ARFGEF1: variants seen among roughly 807,000 people sequenced by gnomAD.
ARFGEF1 encodes the protein brefeldin A-inhibited guanine nucleotide-exchange protein 1.
A neutral mutation model predicts 231.0 loss-of-function variants in ARFGEF1; 42 were observed. The ratio of observed to expected loss-of-function variants is 0.18; its 90% CI spans 0.14 to 0.24. ARFGEF1 has a LOEUF of 0.24. Ranked by LOEUF, ARFGEF1 falls within the 10% of genes least tolerant of loss-of-function variation. The probability of loss-of-function intolerance (pLI) is 1.00; values close to 1 mark genes in which losing one functional copy is unlikely to be tolerated. For missense variants in ARFGEF1, 1,345 were observed against 2,192.0 expected, an observed-to-expected ratio of 0.61 and a Z score of 7.72; for synonymous variants, 710 against 732.3, an observed-to-expected ratio of 0.97 and a Z score of 0.49.
chr8:67,311,513 G>T (rs1199570254), intron 1 of ARFGEF1, among the ~76,000 whole-genome samples: 2 of 140,972 alleles, frequency 1.4e-5, no homozygotes, highest in South Asian at 2.4e-4. Context: ...GGAGGGAGGT[G>T]GGGGGGGGTC....
intron 6 of ARFGEF1, among the ~76,000 whole-genome samples, chr8:67,288,783 G>GT (rs1364909910): frequency 5.9e-5 from 9 of 151,976 alleles, no homozygotes; most frequent in Non-Finnish European, 1.2e-4. Flanking sequence ...CTCATCAATA[G>GT]TAAGATCAAC....
chr8:67,217,898 A>G lies in ARFGEF1; in HGVS notation c.4497T>C (p.Ser1499=). 1 of 1,613,872 alleles carries G rather than the reference A, an allele frequency of 6.2e-7. No individual in the cohort carries two copies. Among genetic ancestry groups the G allele is most frequent in the Non-Finnish European group, 8.5e-7 (1 of 1,179,858 alleles). ...CAACATTCTCTAAACAGTTTGTACCAGATCGCGCTAACTGCTCATTGTCTA... is the reference window on the plus strand; with the variant it reads ...CAACATTCTCTAAACAGTTTGTACCGGATCGCGCTAACTGCTCATTGTCTA... ...VQQDNEQLAR[S]GTNCLENVVI... The change falls in exon 32 of 39, where the codon TCT becomes TCC. Residue 1499 remains serine (S), a synonymous_variant. Coordinates refer to ENST00000262215, the MANE Select transcript of ARFGEF1 (RefSeq NM_006421.5).
intron 32 of ARFGEF1, 51 bp downstream of exon 32, chr8:67,217,731 A>G: frequency 1.3e-6 from 2 of 1,579,914 alleles, no homozygotes; most frequent in Non-Finnish European, 1.7e-6. Context: ...GTCACTCTCC[A>G]ACTCATTCAA....
rs1838493002 is a variant in ARFGEF1, at chr8:67,205,860, A to AT, written c.4820-1042_4820-1041insA. On this transcript the variant is annotated intron_variant, in intron 34 of 38. Transcript: ENST00000262215. Reference sequence around the variant, plus strand: ...GCAAGAGAGAGAGACTCCGTCTCAAAAAAATAAATAAATAAATAAATAAAT... The same window carrying AT: ...GCAAGAGAGAGAGACTCCGTCTCAAATAAAATAAATAAATAAATAAATAAAT... Among the ~76,000 whole-genome samples the AT allele has an allele frequency of 2.2e-4, 32 of 148,112 alleles. No homozygotes were observed. In the South Asian group the frequency reaches 6.7e-3, roughly 31 times the overall value.
At chr8:67,335,548 T>C (rs541143071) in intron 1 of ARFGEF1, among the ~76,000 whole-genome samples, 27 of 152,324 alleles carry the variant, frequency 1.8e-4, no homozygotes, top group African/African-American at 6.3e-4. Context: ...TTCTCTTCTA[T>C]ATAAAGTGCT....
chr8:67,188,413 C>A (rs1044841800), intron 5 of ARFGEF1, among the ~76,000 whole-genome samples: 2 of 152,100 alleles, frequency 1.3e-5, no homozygotes, highest in African/African-American at 4.8e-5. Flanking sequence ...AAAGAGGGCT[C>A]ACTAAAATAC....
downstream of ARFGEF1, chr8:67,175,424 G>A: frequency 1.2e-6 from 2 of 1,614,156 alleles, no homozygotes; most frequent in Non-Finnish European, 1.7e-6. Context: ...AAAAATGCAG[G>A]AAGGTGCCAA....
chr8:67,210,032 G>A (rs1486329665), intron 34 of ARFGEF1, among the ~76,000 whole-genome samples: 2 of 151,660 alleles, frequency 1.3e-5, no homozygotes, highest in Admixed American at 1.3e-4. Context: ...GCAGGCACCT[G>A]TAGTCCCAGC....
At chr8:67,335,811 A>G (rs1048762543) in intron 1 of ARFGEF1, among the ~76,000 whole-genome samples, 6 of 151,970 alleles carry the variant, frequency 3.9e-5, no homozygotes, top group African/African-American at 1.2e-4. Context: ...CAGTAGCACA[A>G]TCTTGGCTCA....
intron 1 of ARFGEF1, among the ~76,000 whole-genome samples, chr8:67,339,422 G>A (rs746079574): frequency 1.1e-4 from 17 of 151,920 alleles, no homozygotes. Context: ...TTCGATGTCA[G>A]AAAGCATAAG....
intron 18 of ARFGEF1, among the ~76,000 whole-genome samples, chr8:67,252,357 A>G (rs1385624272): frequency 2.7e-5 from 4 of 150,108 alleles, no homozygotes; most frequent in Non-Finnish European, 5.9e-5. Flanking sequence ...ACTGCTCCTG[A>G]GTTAACAAGA....
At chr8:67,265,857 A>C (rs1804830018) in intron 14 of ARFGEF1, 149 bp downstream of exon 14, 1 of 693,204 alleles carries the variant, frequency 1.4e-6, no homozygotes, top group Non-Finnish European at 2.4e-6. Flanking sequence ...TGCAATGAAC[A>C]AGGGGGGCTG....
At chr8:67,253,403 A>G (rs762127372) in intron 18 of ARFGEF1, 48 bp downstream of exon 18, 11 of 1,367,952 alleles carry the variant, frequency 8.0e-6, no homozygotes, top group Admixed American at 4.3e-5. Flanking sequence ...TTAGGAACCC[A>G]TATTTTTCCC....
rs938772466 is a variant in ARFGEF1 at position 67,301,158 on chromosome 8, T to C, written c.312+66A>G. ...TTCATGGAAATGTCTGAATCATCAA[T>C]GTGAGTAATGTTTTAGAAACACATT... On this transcript the variant is annotated intron_variant, in intron 3 of 38. Transcript: ENST00000262215. 5.0e-6 allele frequency: 7 copies of C among 1,393,942 alleles called. No homozygotes were observed. The East Asian group carries it at 9.7e-5, about 19-fold the overall frequency. 86.3% of individuals were successfully genotyped at this position (1,393,942 alleles called of 1,614,324 possible).
chr8:67,343,485 C>T lies in ARFGEF1; in HGVS notation c.-198G>A. The T allele has an allele frequency of 7.8e-7, 1 of 1,282,828 alleles. No homozygotes were observed. Among genetic ancestry groups the T allele is most frequent in the Non-Finnish European group, 9.9e-7 (1 of 1,011,326 alleles). The allele number at this position is 1,282,828 out of a possible 1,614,324, so 79.5% of individuals were successfully genotyped here. On this transcript the variant is annotated 5_prime_UTR_variant, in exon 1 of 39. Coordinates refer to ENST00000262215, the MANE Select transcript of ARFGEF1 (RefSeq NM_006421.5). ...CGGTGTCGGCGAAGGGCGTCGAGGT[C>T]CTCGCCGCCCCCAAGAAGCCGTACC...
At chr8:67,194,611 T>C (rs1415189595), downstream of ARFGEF1, among the ~76,000 whole-genome samples, 1 of 152,042 alleles carries the variant, frequency 6.6e-6, no homozygotes, top group Non-Finnish European at 1.5e-5. Context: ...TTTTTTAACA[T>C]TGTCCTTTCA....
At position 67,331,455 on chromosome 8, in the gene ARFGEF1, T is replaced by C. The variant is rs544777462; in HGVS notation, c.124+11709A>G. 3.9e-5 allele frequency among the ~76,000 whole-genome samples: 6 copies of C among 152,294 alleles called. No individual in the cohort carries two copies. In the South Asian group the frequency reaches 8.3e-4, roughly 21 times the overall value. The stretch of plus-strand genomic sequence containing the variant: ...ATGTGACAACACAACTAGAAGGTGC[T>C]GTCTATAAGGAACCAGCCATCACCA... On this transcript the variant is annotated intron_variant, in intron 1 of 38. Transcript: ENST00000262215.
intron 7 of ARFGEF1, among the ~76,000 whole-genome samples, chr8:67,278,999 C>T (rs1805425618): frequency 6.6e-6 from 1 of 152,070 alleles, no homozygotes; most frequent in Non-Finnish European, 1.5e-5. Flanking sequence ...CACGGTGGCT[C>T]ATGCCTATAA....
intron 37 of ARFGEF1, 22 bp downstream of exon 37, chr8:67,201,445 G>A (rs1476273073): frequency 1.3e-6 from 2 of 1,596,470 alleles, no homozygotes; most frequent in Non-Finnish European, 1.7e-6. Context: ...GGTCAGAGAT[G>A]GAAATCAGTC....
Sources: allele counts gnomAD v4.1 joint callset (sites outside exome capture counted in the v4.1 genomes callset), GRCh38; gene constraint gnomAD v4.1.1; transcripts MANE v1.5; gene names NCBI Gene and HGNC (gene_info 2026-07-23, HGNC 2026-07-21).